CNTN4: variants seen among roughly 807,000 people sequenced by gnomAD.
CNTN4 encodes contactin 4, also known as contactin-4.
In CNTN4, 77 loss-of-function variants were observed where a neutral mutation model predicts 122.5. That is an observed-to-expected ratio of 0.63 (90% CI 0.52 to 0.76). CNTN4 has a LOEUF of 0.76. Among genes scored for constraint, CNTN4 ranks in the 30% least tolerant of loss-of-function variants. CNTN4 has a pLI of 0.00. For missense variants in CNTN4, 1,256 were observed against 1,259.1 expected (o/e 1.00, Z 0.04); for synonymous variants, 512 against 447.0 (o/e 1.15, Z -1.83).
intron 2 of CNTN4, among the ~76,000 whole-genome samples, chr3:2,125,616 T>G (rs2034098354): frequency 6.6e-6 from 1 of 150,568 alleles, no homozygotes; most frequent in African/African-American, 2.4e-5. Flanking sequence ...TGGAGTTCAG[T>G]GGCACCATCT....
intron 4 of CNTN4, among the ~76,000 whole-genome samples, chr3:2,726,916 G>T (rs1227111002): frequency 1.3e-5 from 2 of 152,200 alleles, no homozygotes; most frequent in African/African-American, 4.8e-5. Context: ...GGGAAACTGT[G>T]TGGAGAAGGA....
At chr3:2,236,524 AGTTTT>A (rs747462274) in intron 2 of CNTN4, among the ~76,000 whole-genome samples, 1 of 152,202 alleles carries the variant, frequency 6.6e-6, no homozygotes, top group Non-Finnish European at 1.5e-5. Flanking sequence ...AAGAGTAAAT[AGTTTT>A]GTTTTGTTTT....
In CNTN4 at chr3:2,241,710, C is replaced by T. The variant is rs977355814; in HGVS notation, c.-144-97468C>T. Reference sequence around the variant, plus strand: ...TCTCTGTATCTGCCTCCCAATTAGACTGTGTACTTCTCTTCCCCATGTTCC... The same window carrying T: ...TCTCTGTATCTGCCTCCCAATTAGATTGTGTACTTCTCTTCCCCATGTTCC... On this transcript the variant is annotated intron_variant, in intron 2 of 24. Transcript: ENST00000418658. Among the ~76,000 whole-genome samples, 11 of 152,298 alleles carry T rather than the reference C, an allele frequency of 7.2e-5. 1 individual carries two copies. In the South Asian group the frequency reaches 2.1e-3, roughly 29 times the overall value.
At chr3:2,815,525 T>A (rs2092705993) in intron 6 of CNTN4, among the ~76,000 whole-genome samples, 2 of 152,024 alleles carry the variant, frequency 1.3e-5, no homozygotes, top group South Asian at 4.1e-4. Context: ...GAAATGCATA[T>A]CAAAACCACA....
chr3:2,612,817 A>C (rs2081556859), intron 4 of CNTN4, among the ~76,000 whole-genome samples: 1 of 152,174 alleles, frequency 6.6e-6, no homozygotes, highest in African/African-American at 2.4e-5. Context: ...TGCAAACTTA[A>C]AATGAAAGGA....
intron 4 of CNTN4, among the ~76,000 whole-genome samples, chr3:2,629,865 C>T (rs1055288515): frequency 6.6e-6 from 1 of 152,126 alleles, no homozygotes; most frequent in African/African-American, 2.4e-5. Flanking sequence ...AATCCATGGA[C>T]ATTTCCCGCC....
intron 2 of CNTN4, among the ~76,000 whole-genome samples, chr3:2,197,860 C>G (rs1337403533): frequency 6.6e-6 from 1 of 151,866 alleles, no homozygotes; most frequent in Non-Finnish European, 1.5e-5. Context: ...ATTAAAAATA[C>G]AAAAATTAGC....
chr3:2,469,044 T>G (rs574768074), intron 3 of CNTN4, among the ~76,000 whole-genome samples: 1 of 152,326 alleles, frequency 6.6e-6, no homozygotes, highest in African/African-American at 2.4e-5. Context: ...GTGGTCGAGC[T>G]CATTGCTACT....
chr3:2,811,728 G>C (rs1380919085), intron 6 of CNTN4, among the ~76,000 whole-genome samples: 1 of 151,958 alleles, frequency 6.6e-6, no homozygotes, highest in Non-Finnish European at 1.5e-5. Flanking sequence ...GCAGTGGCGC[G>C]ATCTCGGCTC....
chr3:2,561,110 G>A (rs1005561619), intron 3 of CNTN4, among the ~76,000 whole-genome samples: 1 of 152,052 alleles, frequency 6.6e-6, no homozygotes, highest in Non-Finnish European at 1.5e-5. Flanking sequence ...AAAGTCACAC[G>A]GTTCTTGCCA....
chr3:2,649,511 G>A (rs1025965409), intron 4 of CNTN4, among the ~76,000 whole-genome samples: 1 of 152,150 alleles, frequency 6.6e-6, no homozygotes. Flanking sequence ...TTACAACATG[G>A]TTTGCTGAAT....
chr3:2,261,581 C>T (rs2149752711), intron 2 of CNTN4, among the ~76,000 whole-genome samples: 1 of 152,248 alleles, frequency 6.6e-6, no homozygotes, highest in African/African-American at 2.4e-5. Context: ...CTACATTTGC[C>T]ATCTGGGATA....
intron 3 of CNTN4, among the ~76,000 whole-genome samples, chr3:2,503,469 C>T (rs1041880028): frequency 1.1e-4 from 17 of 152,074 alleles, no homozygotes; most frequent in South Asian, 6.2e-4. Context: ...GTGTGCCAGG[C>T]GTCTTTAAGA....
intron 2 of CNTN4, among the ~76,000 whole-genome samples, chr3:2,325,092 A>C (rs1174290472): frequency 6.6e-6 from 1 of 152,218 alleles, no homozygotes; most frequent in African/African-American, 2.4e-5. Context: ...TTTTTGTAAT[A>C]ATACTAAGAA....
intron 3 of CNTN4, among the ~76,000 whole-genome samples, chr3:2,428,142 A>T (rs1204633241): frequency 6.6e-6 from 1 of 152,178 alleles, no homozygotes; most frequent in Non-Finnish European, 1.5e-5. Context: ...TTTGCTGAGT[A>T]GTTGATGCAG....
chr3:2,403,268 T>A (rs1205070299), intron 3 of CNTN4, among the ~76,000 whole-genome samples: 1 of 152,098 alleles, frequency 6.6e-6, no homozygotes, highest in Non-Finnish European at 1.5e-5. Context: ...CAGAATTATA[T>A]CTGCAGTGAC....
chr3:2,615,872 C>T (rs1208311326), intron 4 of CNTN4, among the ~76,000 whole-genome samples: 2 of 152,128 alleles, frequency 1.3e-5, no homozygotes, highest in South Asian at 2.1e-4. Flanking sequence ...CCATCTGCTA[C>T]AGCTACCATC....
chr3:2,674,742 G>A (rs541463813), intron 4 of CNTN4, among the ~76,000 whole-genome samples: 2 of 150,618 alleles, frequency 1.3e-5, no homozygotes, highest in East Asian at 3.9e-4. Context: ...TGGGTGACAG[G>A]ATGAGACTTC....
At chr3:2,853,708 G>A (rs1202727843) in intron 7 of CNTN4, among the ~76,000 whole-genome samples, 11 of 152,182 alleles carry the variant, frequency 7.2e-5, no homozygotes, top group Admixed American at 1.3e-4. Context: ...TTAGACATGA[G>A]CATGGACACT....
Sources: gnomAD v4.1 joint callset for allele counts (sites outside exome capture counted in the v4.1 genomes callset) on GRCh38, gnomAD v4.1.1 for gene constraint, MANE v1.5 for transcripts, NCBI Gene and HGNC (gene_info 2026-07-23, HGNC 2026-07-21) for gene names.